LRRC61: variants seen among roughly 807,000 people sequenced by gnomAD.
The protein encoded by LRRC61 is leucine rich repeat containing 61, also known as leucine-rich repeat-containing protein 61.
A neutral mutation model predicts 15.1 loss-of-function variants in LRRC61; 9 were observed. The observed-to-expected ratio is 0.60, with a 90% CI of 0.36 to 1.04. LRRC61 has a LOEUF of 1.04. Among genes scored for constraint, LRRC61 ranks in the 50% least tolerant of loss-of-function variants. The pLI is 0.01. For missense variants in LRRC61, 344 were observed against 335.6 expected (o/e 1.03, Z -0.20); for synonymous variants, 173 against 158.6 (o/e 1.09, Z -0.68).
At chr7:150,314,804 T>G in the LRRC61 span, among the ~76,000 whole-genome samples, 10 of 147,402 alleles carry the variant, frequency 6.8e-5, no homozygotes, top group Admixed American at 4.1e-4. Context: ...CAACAAAAAT[T>G]AGTCAGGCAC....
At chr7:150,323,908 C>T (rs949788531) in intron 1 of LRRC61, among the ~76,000 whole-genome samples, 3 of 152,192 alleles carry the variant, frequency 2.0e-5, no homozygotes, top group Admixed American at 6.5e-5. Flanking sequence ...CCATTGTTAG[C>T]CCTAAGCTTC....
Position 150,336,710 on chromosome 7 carries a change from C to A in LRRC61, c.-144-8C>A. Reference sequence around the variant, plus strand: ...AGTGCTGCCTGCTGACTGACTGTCTCTCCTCAGGGACTGGCTGGCTTCGAG... The same window carrying A: ...AGTGCTGCCTGCTGACTGACTGTCTATCCTCAGGGACTGGCTGGCTTCGAG... On this transcript the variant is annotated splice_region_variant and splice_polypyrimidine_tract_variant and intron_variant, in intron 2 of 2. Coordinates refer to ENST00000359623, the MANE Select transcript of LRRC61 (RefSeq NM_001142928.2). The A allele has an allele frequency of 1.0e-6, 1 of 997,308 alleles. No individual in the cohort carries two copies. The highest frequency in any genetic ancestry group is 1.5e-6 in the Non-Finnish European group (1 of 682,374). 61.8% of individuals were successfully genotyped at this position (997,308 alleles called of 1,614,324 possible).
chr7:150,326,365 T>C (rs1224602687), intron 2 of LRRC61, among the ~76,000 whole-genome samples: 1 of 152,068 alleles, frequency 6.6e-6, no homozygotes, highest in Non-Finnish European at 1.5e-5. Flanking sequence ...TGTCCTGGGG[T>C]AACTGGGTAG....
rs1338896248 is a variant in LRRC61, at chr7:150,333,687, CAGG to C, written c.-144-3027_-144-3025del. Among the ~76,000 whole-genome samples, 4 of 152,224 alleles carry C rather than the reference CAGG, an allele frequency of 2.6e-5. No homozygotes were observed. The highest frequency in any genetic ancestry group is 2.6e-4 in the Admixed American group (4 of 15,286). Reference sequence around the variant, plus strand: ...CTCTTTCCAGACTCTGTTGCTGGGCCAGGAGGTCTCTGTTCCCTTCATTTCCAT... The same window carrying C: ...CTCTTTCCAGACTCTGTTGCTGGGCCAGGTCTCTGTTCCCTTCATTTCCAT... On this transcript the variant is annotated intron_variant, in intron 2 of 2. Transcript: ENST00000359623. The surrounding 1 kb of genome is among the most constrained non-coding windows in gnomAD (Gnocchi z 4.3).
chr7:150,323,684 GA>G (rs1449212868), intron 1 of LRRC61, 124 bp downstream of exon 1: 1 of 456,422 alleles, frequency 2.2e-6, no homozygotes, highest in African/African-American at 2.0e-5. Context: ...GGAGAGGCCA[GA>G]ATCTTCCGGA....
Position 150,323,426 on chromosome 7 carries a change from T to C in LRRC61, c.-449T>C. The C allele has an allele frequency of 2.9e-6, 1 of 339,990 alleles. No individual in the cohort carries two copies. Among genetic ancestry groups the C allele is most frequent in the Non-Finnish European group, 5.6e-6 (1 of 179,462 alleles). 21.1% of individuals were successfully genotyped at this position (339,990 alleles called of 1,614,324 possible). ...GGGTGGTGGGCACGCGGCCCAGGGG[T>C]CAGGGGCCGCCAGGCGGCGGGCGGC... On this transcript the variant is annotated 5_prime_UTR_variant, in exon 1 of 3. Transcript: ENST00000359623.
chr7:150,331,200 C>A, intron 2 of LRRC61: 1 of 1,366,706 alleles, frequency 7.3e-7, no homozygotes, highest in Non-Finnish European at 9.9e-7. Context: ...ATCTCCTCTT[C>A]TTGAAGGCCA....
At position 150,337,538 on chromosome 7, in the gene LRRC61, C is replaced by T. The variant is rs985943398; in HGVS notation, c.677C>T (p.Thr226Ile). The change falls in exon 3 of 3, where the codon ACA becomes ATA. Residue 226 changes from threonine to isoleucine, a missense_variant. By Grantham distance (89) the Thr-to-Ile change is moderately conservative (BLOSUM62 -1). Transcript: ENST00000359623. ...GAGGCCTGCCGGCAGTTCCAGGACACACTGCAGGAGTGCTGGGACCTGGAC... is the reference window on the plus strand; with the variant it reads ...GAGGCCTGCCGGCAGTTCCAGGACATACTGCAGGAGTGCTGGGACCTGGAC... ...LEEACRQFQD[T>I]LQECWDLDRQ... The T allele has an allele frequency of 6.2e-7, 1 of 1,605,074 alleles. No homozygotes were observed.
Position 150,333,858 on chromosome 7 carries a change from C to G in LRRC61, c.-144-2860C>G, listed in dbSNP as rs1798193849. ...CCGGCTGGTTCTCAGTCCTACTGGG[C>G]TACCTGTTTGCAGTGTGCAGGTGAT... On this transcript the variant is annotated intron_variant, in intron 2 of 2. Transcript: ENST00000359623. The surrounding 1 kb of genome is among the most constrained non-coding windows in gnomAD (Gnocchi z 4.3). The G allele has an allele frequency of 1.0e-6, 1 of 978,124 alleles. No homozygotes were observed. The highest frequency in any genetic ancestry group is 1.1e-4 in the East Asian group (1 of 8,782). 60.6% of individuals were successfully genotyped at this position (978,124 alleles called of 1,614,324 possible).
chr7:150,323,692 C>T (rs1191715737), intron 1 of LRRC61, 132 bp downstream of exon 1: 1 of 456,350 alleles, frequency 2.2e-6, no homozygotes, highest in South Asian at 1.5e-5. Context: ...CAGAATCTTC[C>T]GGAACAGCCA....
At chr7:150,328,395 A>G (rs1290826129) in intron 2 of LRRC61, among the ~76,000 whole-genome samples, 3 of 152,340 alleles carry the variant, frequency 2.0e-5, no homozygotes, top group South Asian at 2.1e-4. Flanking sequence ...TAAAACCCCA[A>G]AAAAACATGG....
rs1798303877 is a variant in LRRC61 at position 150,336,712 on chromosome 7, C to G, written c.-144-6C>G. On this transcript the variant is annotated splice_region_variant and splice_polypyrimidine_tract_variant and intron_variant, in intron 2 of 2. Transcript: ENST00000359623. ...TGCTGCCTGCTGACTGACTGTCTCTCCTCAGGGACTGGCTGGCTTCGAGCA... is the reference window on the plus strand; with the variant it reads ...TGCTGCCTGCTGACTGACTGTCTCTGCTCAGGGACTGGCTGGCTTCGAGCA... 2.9e-6 allele frequency: 3 copies of G among 1,020,468 alleles called. No homozygotes were observed. In the Admixed American group the frequency reaches 7.3e-5, roughly 25 times the overall value. 63.2% of individuals were successfully genotyped at this position (1,020,468 alleles called of 1,614,324 possible).
At chr7:150,313,372 G>T in the LRRC61 span, among the ~76,000 whole-genome samples, 1 of 152,166 alleles carries the variant, frequency 6.6e-6, no homozygotes, top group East Asian at 1.9e-4. Context: ...ATTGGCAATC[G>T]GTTGAAAGGG....
Position 150,330,417 on chromosome 7 carries a change from G to A in LRRC61, c.-145+4407G>A. ...GTAGCCCTTCCAGATGGTGGTCCGC[G>A]AGGCGAGTGCGGCACAGGCCTCTCT... is the stretch of plus-strand genomic sequence containing the variant. On this transcript the variant is annotated intron_variant, in intron 2 of 2. Transcript: ENST00000359623. This position sits in a 1 kb window ranked among gnomAD's most constrained non-coding sequence, Gnocchi z 4.6. The A allele has an allele frequency of 2.6e-6, 2 of 771,480 alleles. No individual in the cohort carries two copies. Among genetic ancestry groups the A allele is most frequent in the East Asian group, 2.4e-5 (1 of 41,238 alleles). The allele number at this position is 771,480 out of a possible 1,614,324, so 47.8% of individuals were successfully genotyped here.
chr7:150,322,692 G>C (rs1347599296), upstream of LRRC61: 1 of 152,226 alleles, frequency 6.6e-6, no homozygotes, highest in Non-Finnish European at 1.5e-5. Context: ...TCTGCCTATG[G>C]AGTAGCCATC....
At chr7:150,331,487 T>A in intron 2 of LRRC61, 1 of 197,810 alleles carries the variant, frequency 5.1e-6, no homozygotes, top group Non-Finnish European at 1.1e-5. Context: ...GATTGCCATA[T>A]TTTTTTTTCT....
At chr7:150,331,390 A>C (rs1798105149) in intron 2 of LRRC61, 2 of 373,162 alleles carry the variant, frequency 5.4e-6, no homozygotes, top group Non-Finnish European at 1.0e-5. Flanking sequence ...CAAAGCAGAG[A>C]GCTGGGTGTT....
the LRRC61 span, among the ~76,000 whole-genome samples, chr7:150,312,729 C>G: frequency 1.3e-5 from 2 of 152,148 alleles, no homozygotes; most frequent in Non-Finnish European, 2.9e-5. Context: ...TGAGAAACAT[C>G]GCCCCTACCC....
intron 2 of LRRC61, chr7:150,334,158 C>T (rs901246744): frequency 1.0e-6 from 1 of 975,554 alleles, no homozygotes; most frequent in African/African-American, 1.8e-5. Context: ...GCTGAGCCAT[C>T]ATCTCCATCT....
Sources: allele counts gnomAD v4.1 joint callset (sites outside exome capture counted in the v4.1 genomes callset), GRCh38; gene constraint gnomAD v4.1.1; non-coding constraint Gnocchi (gnomAD v3.1); transcripts MANE v1.5; gene names NCBI Gene and HGNC (gene_info 2026-07-23, HGNC 2026-07-21).